The following SLC6A20 variants were observed in gnomAD, a reference collection of about 807,000 sequenced individuals.
The protein encoded by SLC6A20 is solute carrier family 6 member 20, also known as sodium- and chloride-dependent transporter XTRP3.
Under a neutral mutation model 64.3 loss-of-function variants are expected in SLC6A20, and 73 were observed. That is an observed-to-expected ratio of 1.14 (90% CI 0.94 to 1.38). The LOEUF (loss-of-function observed/expected upper bound fraction) is 1.38. SLC6A20 is among the 40% of genes most tolerant of loss of function. The pLI, the probability that SLC6A20 is intolerant of heterozygous loss-of-function variation, is 0.00. For missense variants in SLC6A20, 725 were observed against 772.8 expected, an observed-to-expected ratio of 0.94 and a Z score of 0.73; for synonymous variants, 347 against 329.6, an observed-to-expected ratio of 1.05 and a Z score of -0.57.
chr3:45,768,554 GT>G (rs769259665), intron 7 of SLC6A20, among the ~76,000 whole-genome samples: 153 of 152,234 alleles, frequency 1.0e-3, no homozygotes, highest in Non-Finnish European at 1.3e-3. Context: ...GTGGGCTGGG[GT>G]CTGATGCCTG....
At position 45,782,149 on chromosome 3, in the gene SLC6A20, C is replaced by T. The variant is rs1700102750; in HGVS notation, c.196G>A (p.Gly66Arg). The part of the protein sequence containing the change: ...MPLLYLELAV[G>R]QRMRQGSIGA... ...ATGCTGCCCTGCCGCATGCGCTGCC[C>T]CACAGCCAGTTCCAGGTACAAGAGC... Residue 66 changes from glycine to arginine, a missense_variant, in exon 2 of 11, where the codon GGG (glycine) becomes AGG (arginine). Coordinates refer to ENST00000358525, the MANE Select transcript of SLC6A20 (RefSeq NM_020208.4). 2 of 1,613,802 alleles carry T rather than the reference C, an allele frequency of 1.2e-6. No homozygotes were observed. Among genetic ancestry groups the T allele is most frequent in the Admixed American group, 1.7e-5 (1 of 59,980 alleles).
At chr3:45,770,152 AG>A (rs1699835439) in intron 7 of SLC6A20, 56 bp downstream of exon 7, 1 of 1,600,634 alleles carries the variant, frequency 6.2e-7, no homozygotes. Context: ...CAGCTCACCA[AG>A]GTTCCCATGA....
intron 7 of SLC6A20, 88 bp downstream of exon 7, chr3:45,770,121 C>G (rs1339613602): frequency 6.5e-7 from 1 of 1,545,596 alleles, no homozygotes; most frequent in Non-Finnish European, 8.8e-7. Context: ...TTTTACAGAC[C>G]TCGCCTATCT....
intron 9 of SLC6A20, among the ~76,000 whole-genome samples, chr3:45,760,744 G>A (rs1443709593): frequency 2.6e-5 from 4 of 152,220 alleles, no homozygotes; most frequent in Non-Finnish European, 5.9e-5. Flanking sequence ...AAGTACGTGT[G>A]TTTTTGAATA....
rs765385992 is a variant in SLC6A20 at position 45,780,089 on chromosome 3, C to T, written c.274G>A (p.Val92Met). 2.8e-5 allele frequency: 45 copies of T among 1,593,598 alleles called. No individual in the cohort carries two copies. The highest frequency in any genetic ancestry group is 6.7e-5 in the African/African-American group (5 of 74,478). The change falls in exon 3 of 11, where the codon GTG becomes ATG. Residue 92 changes from valine (V) to methionine (M), a missense_variant. Coordinates refer to ENST00000358525, the MANE Select transcript of SLC6A20 (RefSeq NM_020208.4). The stretch of plus-strand genomic sequence containing the variant: ...ATGGAGAGGAAGAAAGAGACCACCA[C>T]GCTGGCGACCCCTGCGAGGAAGCAG... ...PYLSGVGVAS[V>M]VVSFFLSMYY...
At chr3:45,771,103 A>C in intron 6 of SLC6A20, 114 bp downstream of exon 6, 1 of 1,461,788 alleles carries the variant, frequency 6.8e-7, no homozygotes, top group Non-Finnish European at 9.2e-7. Context: ...TCCAAATGTG[A>C]GCCCTGGATT....
At chr3:45,764,726 G>GA (rs1346139845) in intron 8 of SLC6A20, among the ~76,000 whole-genome samples, 4 of 132,258 alleles carry the variant, frequency 3.0e-5, no homozygotes, top group East Asian at 2.0e-4. Flanking sequence ...AAAAAAAAAG[G>GA]AAAAAAACCC....
intron 7 of SLC6A20, among the ~76,000 whole-genome samples, chr3:45,769,277 C>G (rs1183600126): frequency 1.3e-5 from 2 of 151,980 alleles, no homozygotes; most frequent in Non-Finnish European, 2.9e-5. Context: ...AGTCAAATAT[C>G]ACAATTCAAA....
intron 10 of SLC6A20, 141 bp from the exon 11 acceptor site, chr3:45,759,268 C>T (rs1002209770): frequency 1.2e-6 from 1 of 813,752 alleles, no homozygotes; most frequent in African/African-American, 1.8e-5. Flanking sequence ...GGGCCACGGG[C>T]TCTGCAATTC....
intron 1 of SLC6A20, among the ~76,000 whole-genome samples, chr3:45,795,158 CACG>C (rs943194545): frequency 2.0e-5 from 3 of 152,146 alleles, no homozygotes; most frequent in Non-Finnish European, 2.9e-5. Context: ...AACACACACA[CACG>C]ACAAGGTAAA....
At chr3:45,771,071 C>G in intron 6 of SLC6A20, 146 bp downstream of exon 6, 2 of 1,214,524 alleles carry the variant, frequency 1.6e-6, no homozygotes, top group South Asian at 3.1e-5. Flanking sequence ...GGCCCTCCAG[C>G]AACTGGTGGT....
chr3:45,760,894 C>G (rs537714255), intron 9 of SLC6A20, among the ~76,000 whole-genome samples: 1 of 152,322 alleles, frequency 6.6e-6, no homozygotes, highest in South Asian at 2.1e-4. Flanking sequence ...AGGCCCAGAA[C>G]CTGGGTTGGC....
intron 3 of SLC6A20, among the ~76,000 whole-genome samples, chr3:45,778,478 T>C (rs1700011593): frequency 6.6e-6 from 1 of 152,196 alleles, no homozygotes; most frequent in African/African-American, 2.4e-5. Flanking sequence ...ATGGAATGAA[T>C]GAATATTTAA....
intron 9 of SLC6A20, among the ~76,000 whole-genome samples, chr3:45,761,512 C>T (rs952263926): frequency 1.3e-5 from 2 of 152,118 alleles, no homozygotes; most frequent in Admixed American, 6.5e-5. Context: ...CTCTTTTTAT[C>T]CTGAAACACT....
In SLC6A20 at chr3:45,762,009, G is replaced by T. The variant is rs1393336155; in HGVS notation, c.1463+904C>A. Among the ~76,000 whole-genome samples, 3 of 152,124 alleles carry T rather than the reference G, an allele frequency of 2.0e-5. No homozygotes were observed. In the East Asian group the frequency reaches 5.8e-4, roughly 29 times the overall value. ...CCAGCACAGAGGATCAAAAAGACTG[G>T]GGAAGAGGGCAGAAAACAACGTGGC... On this transcript the variant is annotated intron_variant, in intron 9 of 10. Transcript: ENST00000358525.
chr3:45,759,995 G>A lies in SLC6A20; in HGVS notation c.1491C>T (p.Thr497=), dbSNP rs1422741609. 16 of 1,612,922 alleles carry A rather than the reference G, an allele frequency of 9.9e-6. No homozygotes were observed. Among genetic ancestry groups the A allele is most frequent in the African/African-American group, 1.3e-5 (1 of 74,828 alleles). Residue 497 remains threonine (T), a synonymous_variant, in exon 10 of 11, where the codon ACC becomes ACT. Transcript: ENST00000358525. ...RRFESDLKAM[T]GRAVSWYWKV... is the part of the protein sequence containing the mutation. ...TCCAGTACCAGCTCACAGCTCGGCC[G>A]GTCATGGCCTTAAGGTCACTTTCAA... is the stretch of plus-strand genomic sequence containing the variant.
chr3:45,768,396 G>A (rs934389979), intron 7 of SLC6A20, among the ~76,000 whole-genome samples: 4 of 152,186 alleles, frequency 2.6e-5, no homozygotes, highest in African/African-American at 9.7e-5. Context: ...GTAATTCTTG[G>A]CTGTAGAGCC....
At chr3:45,786,351 T>TA (rs1700169249) in intron 1 of SLC6A20, among the ~76,000 whole-genome samples, 1 of 152,230 alleles carries the variant, frequency 6.6e-6, no homozygotes. Context: ...TCAGGTTTCT[T>TA]TAGTCTCCTT....
intron 8 of SLC6A20, among the ~76,000 whole-genome samples, chr3:45,763,736 C>A (rs923107172): frequency 1.3e-5 from 2 of 152,168 alleles, no homozygotes; most frequent in African/African-American, 4.8e-5. Context: ...CAGACCCAGG[C>A]CCTTTAGCCT....
Sources: gnomAD v4.1 joint callset for allele counts (sites outside exome capture counted in the v4.1 genomes callset) on GRCh38, gnomAD v4.1.1 for gene constraint, MANE v1.5 for transcripts, NCBI Gene and HGNC (gene_info 2026-07-23, HGNC 2026-07-21) for gene names.